Variants in TNS3 observed in about 807,000 individuals in gnomAD.
The protein encoded by TNS3 is tensin 3.
TNS3 carries 45 observed loss-of-function variants against 140.9 expected under a neutral mutation model. The ratio of observed to expected loss-of-function variants is 0.32; its 90% CI spans 0.25 to 0.41. TNS3 has a LOEUF of 0.41. Ranked by LOEUF, TNS3 falls within the 10% of genes least tolerant of loss-of-function variation. The probability of loss-of-function intolerance (pLI) is 1.00; values close to 1 mark genes in which losing one functional copy is unlikely to be tolerated. For synonymous variants in TNS3, 815 were observed against 788.4 expected (o/e 1.03, Z -0.56); for missense variants, 1,716 against 1,906.7 (o/e 0.90, Z 1.86).
At chr7:47,556,813 T>C (rs1172307192) in intron 1 of TNS3, among the ~76,000 whole-genome samples, 2 of 152,164 alleles carry the variant, frequency 1.3e-5, no homozygotes, top group Non-Finnish European at 2.9e-5. Context: ...CAACCTCCCA[T>C]AAACCCAAAT....
chr7:47,353,520 C>T (rs902378294), intron 17 of TNS3, among the ~76,000 whole-genome samples: 1 of 152,166 alleles, frequency 6.6e-6, no homozygotes, highest in African/African-American at 2.4e-5. Context: ...TGGAAGCAAA[C>T]CAAGCTCCCT....
At position 47,280,082 on chromosome 7, in the gene TNS3, C is replaced by T. The variant is rs1246569991; in HGVS notation, c.4193+82G>A. 32 of 1,535,398 alleles carry T rather than the reference C, an allele frequency of 2.1e-5. No homozygotes were observed. The East Asian group carries it at 6.7e-4, about 32-fold the overall frequency. On this transcript the variant is annotated intron_variant, in intron 30 of 30. Coordinates refer to ENST00000311160, the MANE Select transcript of TNS3 (RefSeq NM_022748.12). ...GTAGTCATTTTCTTATAAGGCACCCCCTGTGCAAATCTGGAAGAGAATTCA... is the reference window on the plus strand; with the variant it reads ...GTAGTCATTTTCTTATAAGGCACCCTCTGTGCAAATCTGGAAGAGAATTCA...
Position 47,435,373 on chromosome 7 carries a change from G to A in TNS3, c.233C>T (p.Ala78Val). Reference sequence around the variant, plus strand: ...GGTACACATCTTATCCAGGGGCGGTGCGTGGAGCTCTGGCCAGCCCACATC... The same window carrying A: ...GGTACACATCTTATCCAGGGGCGGTACGTGGAGCTCTGGCCAGCCCACATC... ...IMDVGWPELH[A>V]PPLDKMCTIC... The change falls in exon 8 of 31, where the codon GCA becomes GTA. Residue 78 changes from alanine to valine, a missense_variant. Coordinates refer to ENST00000311160, the MANE Select transcript of TNS3 (RefSeq NM_022748.12). 1.2e-6 allele frequency: 2 copies of A among 1,613,990 alleles called. No individual in the cohort carries two copies. Among genetic ancestry groups the A allele is most frequent in the Non-Finnish European group, 1.7e-6 (2 of 1,180,004 alleles).
chr7:47,433,845 T>A (rs1212072308), intron 8 of TNS3, among the ~76,000 whole-genome samples: 2 of 151,854 alleles, frequency 1.3e-5, no homozygotes, highest in African/African-American at 2.4e-5. Flanking sequence ...GTTGTTTTAA[T>A]TAACAAGAAT....
chr7:47,521,225 C>A (rs1798965364), intron 2 of TNS3, among the ~76,000 whole-genome samples: 1 of 152,184 alleles, frequency 6.6e-6, no homozygotes, highest in Non-Finnish European at 1.5e-5. Context: ...GCCTGTCCCT[C>A]CTCTGTGCTC....
chr7:47,491,136 G>C (rs181817946), intron 3 of TNS3, among the ~76,000 whole-genome samples: 65 of 152,352 alleles, frequency 4.3e-4, no homozygotes, highest in Non-Finnish European at 4.0e-4. Flanking sequence ...AGTGGGCAGA[G>C]AGGCAGAGGG....
intron 16 of TNS3, among the ~76,000 whole-genome samples, chr7:47,383,371 G>A (rs1402433415): frequency 6.6e-6 from 1 of 152,202 alleles, no homozygotes; most frequent in Admixed American, 6.5e-5. Context: ...TAGCTTCGTG[G>A]TTGCCAGGGG....
At chr7:47,305,915 GA>G (rs1356178174) in intron 20 of TNS3, among the ~76,000 whole-genome samples, 1 of 151,964 alleles carries the variant, frequency 6.6e-6, no homozygotes, top group African/African-American at 2.4e-5. Context: ...TATTAATGTA[GA>G]AAAAAACTCC....
At chr7:47,357,251 G>A (rs1224849940) in intron 17 of TNS3, among the ~76,000 whole-genome samples, 3 of 152,168 alleles carry the variant, frequency 2.0e-5, no homozygotes, top group Non-Finnish European at 4.4e-5. Flanking sequence ...TGATCTTCTA[G>A]GAATAAAGCG....
chr7:47,465,742 T>A (rs970150383), intron 4 of TNS3, among the ~76,000 whole-genome samples: 6 of 151,872 alleles, frequency 4.0e-5, no homozygotes, highest in Non-Finnish European at 7.4e-5. Context: ...CTGACCAACA[T>A]GGAGAAACCC....
At position 47,275,776 on chromosome 7, in the gene TNS3, G is replaced by C; in HGVS notation, c.*2300C>G. ...CGATGCCCTTGACCACGTTTACCTT[G>C]TGTAAAAATCACACCTGGCCAATGA... On this transcript the variant is annotated 3_prime_UTR_variant, in exon 31 of 31. Transcript: ENST00000311160. 1 of 455,354 alleles carries C rather than the reference G, an allele frequency of 2.2e-6. No individual in the cohort carries two copies. Among genetic ancestry groups the C allele is most frequent in the Non-Finnish European group, 4.4e-6 (1 of 226,776 alleles). 28.2% of individuals were successfully genotyped at this position (455,354 alleles called of 1,614,324 possible). A position where few individuals can be genotyped will look rare whatever the true frequency, so the allele number is the denominator to read the frequency against.
At chr7:47,486,923 A>G (rs1797632722) in intron 3 of TNS3, among the ~76,000 whole-genome samples, 1 of 152,242 alleles carries the variant, frequency 6.6e-6, no homozygotes, top group African/African-American at 2.4e-5. Flanking sequence ...TTTCAATTCT[A>G]TCTTTTCCAA....
chr7:47,417,587 C>T (rs1794150351), intron 10 of TNS3, among the ~76,000 whole-genome samples: 1 of 152,230 alleles, frequency 6.6e-6, no homozygotes, highest in South Asian at 2.1e-4. Flanking sequence ...CAGGTGGTAG[C>T]TTAACCAATC....
intron 2 of TNS3, among the ~76,000 whole-genome samples, chr7:47,526,012 T>A (rs1488387000): frequency 6.6e-6 from 1 of 152,150 alleles, no homozygotes; most frequent in East Asian, 1.9e-4. Flanking sequence ...AAGACAATGA[T>A]CCTCCAGATA....
chr7:47,503,185 C>T (rs1172906372), intron 3 of TNS3, among the ~76,000 whole-genome samples: 1 of 152,136 alleles, frequency 6.6e-6, no homozygotes, highest in Non-Finnish European at 1.5e-5. Context: ...CAAGATGATA[C>T]TCAATACCCT....
intron 4 of TNS3, among the ~76,000 whole-genome samples, chr7:47,460,667 A>T (rs930731833): frequency 1.3e-5 from 2 of 152,258 alleles, no homozygotes; most frequent in African/African-American, 2.4e-5. Flanking sequence ...GTGGGGCCGG[A>T]ATGGCCCCTA....
At chr7:47,566,436 GAATC>G (rs1268003705) in intron 1 of TNS3, among the ~76,000 whole-genome samples, 1 of 152,160 alleles carries the variant, frequency 6.6e-6, no homozygotes, top group African/African-American at 2.4e-5. Flanking sequence ...ACTGCCTATG[GAATC>G]AACAAAGTAA....
intron 4 of TNS3, among the ~76,000 whole-genome samples, chr7:47,454,612 G>C (rs1796169191): frequency 1.3e-5 from 2 of 152,056 alleles, no homozygotes; most frequent in African/African-American, 2.4e-5. Flanking sequence ...GCTGCTCTGG[G>C]GGGGCAACAG....
intron 4 of TNS3, among the ~76,000 whole-genome samples, chr7:47,461,566 T>C (rs1796491976): frequency 6.6e-6 from 1 of 152,194 alleles, no homozygotes; most frequent in Non-Finnish European, 1.5e-5. Context: ...TTGTTACTAC[T>C]GAGGAGCCGG....
Sources: gnomAD v4.1 joint callset for allele counts (sites outside exome capture counted in the v4.1 genomes callset) on GRCh38, gnomAD v4.1.1 for gene constraint, MANE v1.5 for transcripts, NCBI Gene and HGNC (gene_info 2026-07-23, HGNC 2026-07-21) for gene names.